UACA: variants seen among roughly 807,000 people sequenced by gnomAD.
UACA encodes uveal autoantigen with coiled-coil domains and ankyrin repeats, also known as nuclear membrane binding protein.
UACA carries 112 observed loss-of-function variants against 160.5 expected under a neutral mutation model. That is an observed-to-expected ratio of 0.70 (90% CI 0.60 to 0.82). UACA has a LOEUF of 0.82. Among genes scored for constraint, UACA ranks in the 40% least tolerant of loss-of-function variants. The probability of loss-of-function intolerance (pLI) is 0.00; values close to 1 mark genes in which losing one functional copy is unlikely to be tolerated. For missense variants in UACA, 1,574 were observed against 1,614.6 expected, an observed-to-expected ratio of 0.97 and a Z score of 0.43; for synonymous variants, 557 against 568.4, an observed-to-expected ratio of 0.98 and a Z score of 0.29.
intron 1 of UACA, among the ~76,000 whole-genome samples, chr15:70,739,200 CAAAGGATAA>C (rs1232251561): frequency 6.6e-6 from 1 of 152,092 alleles, no homozygotes; most frequent in East Asian, 1.9e-4. Context: ...ATGAAATGCA[CAAAGGATAA>C]AAACTATACT....
intron 17 of UACA, among the ~76,000 whole-genome samples, chr15:70,664,369 C>CT (rs1268203098): frequency 6.6e-6 from 1 of 152,082 alleles, no homozygotes. Flanking sequence ...ATATGTTATT[C>CT]TTTGTTTCCT....
intron 2 of UACA, among the ~76,000 whole-genome samples, chr15:70,698,250 C>T (rs969217469): frequency 2.0e-5 from 3 of 152,032 alleles, no homozygotes; most frequent in Admixed American, 6.6e-5. Context: ...TCAAAACATT[C>T]GAAGTATGAA....
intron 17 of UACA, chr15:70,661,463 T>A (rs1896703117): frequency 6.6e-6 from 1 of 152,174 alleles, no homozygotes; most frequent in Admixed American, 6.5e-5. Flanking sequence ...GACACTATAC[T>A]CTTTGGATAA....
intron 1 of UACA, among the ~76,000 whole-genome samples, chr15:70,719,626 T>C (rs1203370710): frequency 2.0e-5 from 3 of 152,188 alleles, no homozygotes; most frequent in Non-Finnish European, 2.9e-5. Context: ...CTAGATTACC[T>C]TTGGGCCCTC....
Position 70,666,993 on chromosome 15 carries a change from CTTTATA to C in UACA, c.3685_3690del (p.Tyr1229_Lys1230del), listed in dbSNP as rs769915866. 2 of 1,612,608 alleles carry C rather than the reference CTTTATA, an allele frequency of 1.2e-6. No individual in the cohort carries two copies. The highest frequency in any genetic ancestry group is 2.2e-5 in the South Asian group (2 of 90,752). ...TGTGTCTCCAAATCACTTTTTGTTGCTTTATATTTAGACAAGTCAACTACCTCTCTA... is the reference window on the plus strand; with the variant it reads ...TGTGTCTCCAAATCACTTTTTGTTGCTTTAGACAAGTCAACTACCTCTCTA... On this transcript the variant is annotated inframe_deletion, in exon 16 of 19. Coordinates refer to ENST00000322954, the MANE Select transcript of UACA (RefSeq NM_018003.4).
chr15:70,694,918 C>A, intron 3 of UACA, 99 bp downstream of exon 3: 1 of 979,202 alleles, frequency 1.0e-6, no homozygotes. Context: ...TTGAGGACAT[C>A]TCTCTTTATA....
intron 1 of UACA, among the ~76,000 whole-genome samples, chr15:70,741,648 C>A (rs11634738): frequency 6.6e-6 from 1 of 152,074 alleles, no homozygotes; most frequent in African/African-American, 2.4e-5. Flanking sequence ...CTAATTATTG[C>A]TATTTAACTG....
intron 1 of UACA, among the ~76,000 whole-genome samples, chr15:70,700,301 G>GTATATATATATATATATATA (rs142277997): frequency 5.4e-5 from 7 of 129,880 alleles, no homozygotes; most frequent in African/African-American, 2.4e-4. Flanking sequence ...GAGGCAAATT[G>GTATATATATATATATATATA]TATATATATA....
Position 70,668,871 on chromosome 15 carries a change from T to C in UACA, c.1813A>G (p.Lys605Glu). 2 of 1,613,826 alleles carry C rather than the reference T, an allele frequency of 1.2e-6. No homozygotes were observed. Among genetic ancestry groups the C allele is most frequent in the Non-Finnish European group, 1.7e-6 (2 of 1,179,992 alleles). The change falls in exon 16 of 19, where the codon AAA becomes GAA. Residue 605 changes from lysine to glutamate, a missense_variant. Physicochemically the swap from Lys to Glu is moderately conservative, Grantham distance 56. Transcript: ENST00000322954. ...TCCATCTCTGTGACCTTTCTTCCTTTCTTCTCTCGCTCCATTTCACACATA... is the reference window on the plus strand; with the variant it reads ...TCCATCTCTGTGACCTTTCTTCCTTCCTTCTCTCGCTCCATTTCACACATA... ...LSMCEMEREK[K>E]GRKVTEMEGQ...
chr15:70,700,299 T>TTGTATATATATATATATATATATATATA lies in UACA; in HGVS notation c.79-640_79-639insTATATATATATATATATATATATATACA, dbSNP rs200862051. Among the ~76,000 whole-genome samples the TTGTATATATATATATATATATATATATA allele has an allele frequency of 6.7e-3, 761 of 113,238 alleles. 2 individuals are homozygous for TTGTATATATATATATATATATATATATA. The highest frequency in any genetic ancestry group is 9.3e-3 in the Non-Finnish European group (554 of 59,490). The allele number at this position is 113,238 out of a possible 152,430, so 74.3% of individuals were successfully genotyped here. ...TTGGAAATATATTTATGGAGGCAAA[T>TTGTATATATATATATATATATATATATA]TGTATATATATATATATATACACAC... On this transcript the variant is annotated intron_variant, in intron 1 of 18. Transcript: ENST00000322954.
At chr15:70,694,926 A>C (rs1376685984) in intron 3 of UACA, 91 bp downstream of exon 3, 1 of 1,020,458 alleles carries the variant, frequency 9.8e-7, no homozygotes, top group African/African-American at 1.6e-5. Context: ...ATCTCTCTTT[A>C]TATCACATTT....
chr15:70,684,161 A>G, intron 8 of UACA, 104 bp downstream of exon 8: 1 of 952,276 alleles, frequency 1.1e-6, no homozygotes. Context: ...TTTATCAGTA[A>G]GGAATGTTTT....
intron 1 of UACA, among the ~76,000 whole-genome samples, chr15:70,755,950 T>C (rs2030400440): frequency 1.3e-5 from 2 of 152,088 alleles, no homozygotes; most frequent in South Asian, 4.1e-4. Context: ...CCTTTCAACC[T>C]TTTTATGGGC....
intron 1 of UACA, among the ~76,000 whole-genome samples, chr15:70,759,734 AT>A (rs1271055162): frequency 1.3e-5 from 2 of 152,236 alleles, no homozygotes; most frequent in Non-Finnish European, 2.9e-5. Flanking sequence ...CCATCTCCAG[AT>A]TTGCTAGTAA....
intron 7 of UACA, among the ~76,000 whole-genome samples, chr15:70,684,891 C>A (rs973244424): frequency 1.4e-4 from 22 of 151,996 alleles, no homozygotes; most frequent in African/African-American, 5.3e-4. Flanking sequence ...CTTCTACTAC[C>A]AAACCAACCT....
intron 16 of UACA, 99 bp from the exon 17 acceptor site, chr15:70,664,913 T>C: frequency 1.8e-6 from 2 of 1,105,660 alleles, no homozygotes; most frequent in Non-Finnish European, 1.3e-6. Flanking sequence ...AGAAGCTTTA[T>C]CTTTATACAC....
At chr15:70,696,695 T>A (rs1898140315) in intron 2 of UACA, among the ~76,000 whole-genome samples, 1 of 152,168 alleles carries the variant, frequency 6.6e-6, no homozygotes, top group Non-Finnish European at 1.5e-5. Flanking sequence ...TTATAATCTC[T>A]CTGCCACAAT....
At chr15:70,738,730 C>T (rs1421280027) in intron 1 of UACA, among the ~76,000 whole-genome samples, 1 of 152,026 alleles carries the variant, frequency 6.6e-6, no homozygotes, top group Non-Finnish European at 1.5e-5. Flanking sequence ...AAACATTCAT[C>T]CAAAAAAAAG....
At chr15:70,757,709 T>A (rs1173001603) in intron 1 of UACA, among the ~76,000 whole-genome samples, 1 of 152,240 alleles carries the variant, frequency 6.6e-6, no homozygotes, top group African/African-American at 2.4e-5. Flanking sequence ...TTGTTTTTAT[T>A]CTTTTGGTCA....
Sources: allele counts gnomAD v4.1 joint callset (sites outside exome capture counted in the v4.1 genomes callset), GRCh38; gene constraint gnomAD v4.1.1; transcripts MANE v1.5; gene names NCBI Gene and HGNC (gene_info 2026-07-23, HGNC 2026-07-21).